Variants in PDZD2 observed in about 807,000 individuals in gnomAD.
PDZD2 encodes the protein PDZ domain containing 2, also known as PDZ domain-containing protein 2.
Under a neutral mutation model 220.7 loss-of-function variants are expected in PDZD2, and 90 were observed. The ratio of observed to expected loss-of-function variants is 0.41; its 90% CI spans 0.34 to 0.49. The LOEUF is 0.49. Ranked by LOEUF, PDZD2 falls within the 20% of genes least tolerant of loss-of-function variation. PDZD2 has a pLI of 0.28. For missense variants in PDZD2, 3,174 were observed against 3,608.5 expected, an observed-to-expected ratio of 0.88 and a Z score of 3.08; for synonymous variants, 1,375 against 1,450.5, an observed-to-expected ratio of 0.95 and a Z score of 1.18.
intron 1 of PDZD2, among the ~76,000 whole-genome samples, chr5:31,685,060 C>T (rs1046225303): frequency 6.6e-6 from 1 of 152,176 alleles, no homozygotes; most frequent in Non-Finnish European, 1.5e-5. Flanking sequence ...TTTCATGTTG[C>T]ACCATTGCCC....
intron 6 of PDZD2, among the ~76,000 whole-genome samples, chr5:32,010,953 C>T (rs957978265): frequency 2.0e-5 from 3 of 147,822 alleles, no homozygotes; most frequent in East Asian, 4.0e-4. Flanking sequence ...GCTGAGATCT[C>T]GCCACTGCAC....
rs748788536 is a variant in PDZD2, at chr5:32,107,965, G to A, written c.8354-4G>A. 54 of 1,608,462 alleles carry A rather than the reference G, an allele frequency of 3.4e-5. No individual in the cohort carries two copies. Among genetic ancestry groups the A allele is most frequent in the Middle Eastern group, 3.3e-4 (2 of 6,066 alleles). ...TATTAATTATTCTGTGTTTATTCTC[G>A]TAGGTGGTGCGGCTGAACAAGCTGG... On this transcript the variant is annotated splice_region_variant and splice_polypyrimidine_tract_variant and intron_variant, in intron 24 of 24. Coordinates refer to ENST00000438447, the MANE Select transcript of PDZD2 (RefSeq NM_178140.4).
chr5:32,019,370 C>G (rs1253606638), intron 6 of PDZD2, among the ~76,000 whole-genome samples: 1 of 152,174 alleles, frequency 6.6e-6, no homozygotes, highest in South Asian at 2.1e-4. Context: ...TCTCAAACTC[C>G]TGGGCTCAAG....
intron 2 of PDZD2, among the ~76,000 whole-genome samples, chr5:31,820,192 A>G (rs908780993): frequency 6.6e-6 from 1 of 152,176 alleles, no homozygotes; most frequent in African/African-American, 2.4e-5. Context: ...CCAGAGCTCA[A>G]TCTGATTGGA....
At chr5:31,771,158 T>C (rs1366646289) in intron 1 of PDZD2, among the ~76,000 whole-genome samples, 1 of 152,248 alleles carries the variant, frequency 6.6e-6, no homozygotes, top group African/African-American at 2.4e-5. Context: ...ACAACAGATA[T>C]AGTTCTGCTA....
At chr5:32,025,590 G>GTTT (rs1754582025) in intron 6 of PDZD2, among the ~76,000 whole-genome samples, 1 of 67,656 alleles carries the variant, frequency 1.5e-5, no homozygotes, top group Non-Finnish European at 2.6e-5. Flanking sequence ...TAACCATGAT[G>GTTT]CTTTTTTTTT....
intron 1 of PDZD2, among the ~76,000 whole-genome samples, chr5:31,642,664 A>G (rs1313409990): frequency 6.6e-6 from 1 of 152,134 alleles, no homozygotes; most frequent in Non-Finnish European, 1.5e-5. Context: ...GATGTGGGAG[A>G]GAGTAGAGAA....
At chr5:31,926,133 T>C (rs2150385415) in intron 2 of PDZD2, among the ~76,000 whole-genome samples, 1 of 151,320 alleles carries the variant, frequency 6.6e-6, no homozygotes, top group South Asian at 2.1e-4. Context: ...TGGCAGGGGA[T>C]CCCTTGAGCC....
chr5:31,812,328 T>C (rs1204541368), intron 2 of PDZD2, among the ~76,000 whole-genome samples: 2 of 152,182 alleles, frequency 1.3e-5, no homozygotes, highest in Non-Finnish European at 2.9e-5. Flanking sequence ...ACCAATAATT[T>C]AGATATGGAT....
chr5:31,886,182 A>G (rs529701929), intron 2 of PDZD2, among the ~76,000 whole-genome samples: 62 of 152,320 alleles, frequency 4.1e-4, no homozygotes, highest in African/African-American at 1.2e-3. Context: ...TACAGGCGTG[A>G]GCCACTGTGC....
At chr5:31,691,110 T>C (rs1451592625) in intron 1 of PDZD2, among the ~76,000 whole-genome samples, 2 of 152,214 alleles carry the variant, frequency 1.3e-5, no homozygotes, top group Non-Finnish European at 2.9e-5. Flanking sequence ...AAAGTTGGCA[T>C]GTCCTGAGTT....
intron 2 of PDZD2, among the ~76,000 whole-genome samples, chr5:31,942,353 G>A (rs1158329992): frequency 6.7e-6 from 1 of 149,942 alleles, no homozygotes; most frequent in Admixed American, 6.7e-5. Flanking sequence ...GAAGCTAAGT[G>A]TGAGTGCTAT....
intron 1 of PDZD2, among the ~76,000 whole-genome samples, chr5:31,666,299 T>C (rs1375363994): frequency 6.6e-6 from 1 of 152,176 alleles, no homozygotes; most frequent in Non-Finnish European, 1.5e-5. Context: ...GGAATGCATC[T>C]TCCAGTTCCA....
At chr5:32,095,404 T>C (rs1232697769) in intron 21 of PDZD2, among the ~76,000 whole-genome samples, 2 of 152,234 alleles carry the variant, frequency 1.3e-5, no homozygotes, top group African/African-American at 2.4e-5. Flanking sequence ...CTTTTTCCAA[T>C]GAGTATGGTT....
intron 19 of PDZD2, among the ~76,000 whole-genome samples, chr5:32,084,734 A>G (rs1184600749): frequency 6.6e-6 from 1 of 152,062 alleles, no homozygotes; most frequent in Non-Finnish European, 1.5e-5. Context: ...TTCTGATGCC[A>G]GATTTTTTTT....
chr5:31,826,204 C>T (rs766275250), intron 2 of PDZD2, among the ~76,000 whole-genome samples: 2 of 152,060 alleles, frequency 1.3e-5, no homozygotes, highest in Non-Finnish European at 2.9e-5. Context: ...GTTTCATGCC[C>T]GGCTGTGGGC....
At chr5:32,023,048 G>A (rs1475037703) in intron 6 of PDZD2, among the ~76,000 whole-genome samples, 1 of 152,212 alleles carries the variant, frequency 6.6e-6, no homozygotes, top group Non-Finnish European at 1.5e-5. Context: ...AGCCGTGTGA[G>A]TGACAGGCAA....
intron 9 of PDZD2, 139 bp downstream of exon 9, chr5:32,052,869 G>A (rs932748695): frequency 1.2e-6 from 1 of 836,030 alleles, no homozygotes; most frequent in African/African-American, 1.7e-5. Flanking sequence ...GGAGTGCAGT[G>A]GTGCAATCAT....
intron 2 of PDZD2, among the ~76,000 whole-genome samples, chr5:31,875,523 T>G (rs1225941120): frequency 2.7e-5 from 4 of 148,082 alleles, no homozygotes; most frequent in African/African-American, 1.0e-4. Flanking sequence ...GAGGTGGAGG[T>G]TGCAGTGAGC....
Sources: gnomAD v4.1 joint callset for allele counts (sites outside exome capture counted in the v4.1 genomes callset) on GRCh38, gnomAD v4.1.1 for gene constraint, MANE v1.5 for transcripts, NCBI Gene and HGNC (gene_info 2026-07-23, HGNC 2026-07-21) for gene names.